ASCC3: variants seen among roughly 807,000 people sequenced by gnomAD.
ASCC3 encodes activating signal cointegrator 1 complex subunit 3.
A neutral mutation model predicts 256.3 loss-of-function variants in ASCC3; 158 were observed. That is an observed-to-expected ratio of 0.62 (90% confidence interval 0.54 to 0.70). The LOEUF is 0.70. Among genes scored for constraint, ASCC3 ranks in the 30% least tolerant of loss-of-function variants. The pLI is 0.00. For synonymous variants in ASCC3, 948 were observed against 883.4 expected, an observed-to-expected ratio of 1.07 and a Z score of -1.30; for missense variants, 2,259 against 2,626.0, an observed-to-expected ratio of 0.86 and a Z score of 3.05.
chr6:100,608,225 T>TTATATATATACTTTATA lies in ASCC3; in HGVS notation c.4786-1138_4786-1137insTATAAAGTATATATATA, dbSNP rs1161942832. On this transcript the variant is annotated intron_variant, in intron 30 of 41. Transcript: ENST00000369162. The stretch of plus-strand genomic sequence containing the variant: ...TATATATATACTTTATATATATACT[T>TTATATATATACTTTATA]TATATACTTTATACTTTATATATAT... Among the ~76,000 whole-genome samples, 126 of 24,120 alleles carry TTATATATATACTTTATA rather than the reference T, an allele frequency of 5.2e-3. 5 individuals are homozygous for TTATATATATACTTTATA. Among genetic ancestry groups the TTATATATATACTTTATA allele is most frequent in the African/African-American group, 0.024 (120 of 5,032 alleles). 15.8% of individuals were successfully genotyped at this position (24,120 alleles called of 152,430 possible).
At position 100,650,694 on chromosome 6, in the gene ASCC3, C is replaced by A. The variant is rs1775621829; in HGVS notation, c.3096G>T (p.Glu1032Asp). ...AATTGCTTAATAAGGTATCTAACTC[C>A]TCTATTTCCTCTTCTCTGACCTAGA... ...DQIKVREEEI[E>D]ELDTLLSNFC... is the part of the protein sequence containing the mutation. Residue 1032 changes from glutamate to aspartate, a missense_variant, in exon 20 of 42, where the codon GAG becomes GAT. Around this residue, in one of 2 missense-constraint regions of ASCC3, gnomAD observed 1,839 missense variants for 2,206.7 expected, o/e 0.83. Transcript: ENST00000369162. 1 of 1,610,698 alleles carries A rather than the reference C, an allele frequency of 6.2e-7. No individual in the cohort carries two copies. Among genetic ancestry groups the A allele is most frequent in the Non-Finnish European group, 8.5e-7 (1 of 1,177,600 alleles).
chr6:100,661,362 A>C (rs908257767), intron 16 of ASCC3, among the ~76,000 whole-genome samples: 1 of 83,462 alleles, frequency 1.2e-5, no homozygotes, highest in Non-Finnish European at 3.1e-5. Flanking sequence ...CACACACAAA[A>C]CAAATGATCA....
intron 8 of ASCC3, among the ~76,000 whole-genome samples, chr6:100,793,095 A>G (rs1769431570): frequency 6.6e-6 from 1 of 151,990 alleles, no homozygotes; most frequent in Non-Finnish European, 1.5e-5. Flanking sequence ...CACCATAGCA[A>G]AACATCTTAA....
At position 100,672,592 on chromosome 6, in the gene ASCC3, A is replaced by G. The variant is rs530920299; in HGVS notation, c.2286+7026T>C. Among the ~76,000 whole-genome samples, 5 of 152,240 alleles carry G rather than the reference A, an allele frequency of 3.3e-5. No homozygotes were observed. In the South Asian group the frequency reaches 1.0e-3, roughly 32 times the overall value. On this transcript the variant is annotated intron_variant, in intron 14 of 41. Transcript: ENST00000369162. ...CTATACATTCAAAATTTGGTTTTCT[A>G]GTGTGTTCACAAATGTTGGAAGGCA...
At chr6:100,697,359 A>G (rs1405809550) in intron 13 of ASCC3, among the ~76,000 whole-genome samples, 3 of 152,078 alleles carry the variant, frequency 2.0e-5, no homozygotes, top group African/African-American at 7.2e-5. Context: ...GATTTAAAGA[A>G]TGAAGAAATG....
At chr6:100,724,457 T>C (rs1779526538) in intron 11 of ASCC3, among the ~76,000 whole-genome samples, 1 of 151,772 alleles carries the variant, frequency 6.6e-6, no homozygotes, top group Admixed American at 6.6e-5. Flanking sequence ...AGGAAATTTT[T>C]TGGTAAAGAC....
intron 36 of ASCC3, among the ~76,000 whole-genome samples, chr6:100,564,886 T>A (rs770452660): frequency 3.3e-5 from 5 of 152,138 alleles, no homozygotes; most frequent in Non-Finnish European, 4.4e-5. Context: ...GCAGTACCTG[T>A]ATAAAAGAAT....
At chr6:100,733,283 C>A (rs1006759079) in intron 10 of ASCC3, among the ~76,000 whole-genome samples, 3 of 152,148 alleles carry the variant, frequency 2.0e-5, no homozygotes. Context: ...CACTCAGTGA[C>A]CATCTTGTTC....
chr6:100,772,266 T>C (rs186913640), intron 8 of ASCC3, among the ~76,000 whole-genome samples: 51 of 152,246 alleles, frequency 3.3e-4, no homozygotes, highest in Non-Finnish European at 5.1e-4. Flanking sequence ...AGCAAGTTTT[T>C]AAAAGTTAAA....
chr6:100,858,888 G>A (rs1582974409), intron 3 of ASCC3: 1 of 509,384 alleles, frequency 2.0e-6, no homozygotes, highest in East Asian at 3.5e-5. Context: ...AGTCAATCAA[G>A]GATCATACAT....
intron 13 of ASCC3, among the ~76,000 whole-genome samples, chr6:100,704,820 T>G (rs1778508450): frequency 6.6e-6 from 1 of 152,070 alleles, no homozygotes; most frequent in Admixed American, 6.6e-5. Flanking sequence ...GCAAAGAATT[T>G]AACTTTTTTG....
chr6:100,646,762 A>G lies in ASCC3; in HGVS notation c.3486T>C (p.Ile1162=). 1 of 1,613,826 alleles carries G rather than the reference A, an allele frequency of 6.2e-7. No individual in the cohort carries two copies. The highest frequency in any genetic ancestry group is 8.5e-7 in the Non-Finnish European group (1 of 1,179,800). ...KDMRKDEIGH[I]LHHVNIGLKV... ...TCAGTCCAATATTCACATGATGTAA[A>G]ATGTGACCTGCAAGAAAAATATCAC... The change falls in exon 22 of 42, where the codon ATT becomes ATC. Residue 1162 remains isoleucine (I), a synonymous_variant. Coordinates refer to ENST00000369162, the MANE Select transcript of ASCC3 (RefSeq NM_006828.4).
rs1771883332 is a variant in ASCC3, at chr6:100,589,617, A to G, written c.5550+17T>C. ...CCTAAATTAAAAGAGAAGATATGAA[A>G]TATATGAAAAACTCACACTTAGAAT... is the stretch of plus-strand genomic sequence containing the variant. On this transcript the variant is annotated intron_variant, in intron 36 of 41. Coordinates refer to ENST00000369162, the MANE Select transcript of ASCC3 (RefSeq NM_006828.4). 3.7e-6 allele frequency: 6 copies of G among 1,612,796 alleles called. No individual in the cohort carries two copies. Among genetic ancestry groups the G allele is most frequent in the Non-Finnish European group, 5.1e-6 (6 of 1,179,516 alleles).
intron 10 of ASCC3, among the ~76,000 whole-genome samples, chr6:100,757,690 C>T (rs1247692845): frequency 6.6e-6 from 1 of 151,852 alleles, no homozygotes; most frequent in African/African-American, 2.4e-5. Flanking sequence ...ACCTAATAAC[C>T]CTAGACAAAA....
At chr6:100,712,325 G>A (rs1281038875) in intron 13 of ASCC3, among the ~76,000 whole-genome samples, 1 of 152,056 alleles carries the variant, frequency 6.6e-6, no homozygotes, top group Non-Finnish European at 1.5e-5. Flanking sequence ...AAGAGAATGA[G>A]AAGACAAGTA....
At chr6:100,668,118 T>A (rs1776573409) in intron 14 of ASCC3, among the ~76,000 whole-genome samples, 1 of 152,052 alleles carries the variant, frequency 6.6e-6, no homozygotes, top group African/African-American at 2.4e-5. Flanking sequence ...CTAAGGCTGC[T>A]TGAGCTACAA....
chr6:100,793,381 T>C lies in ASCC3; in HGVS notation c.1395+5332A>G, dbSNP rs1399783846. On this transcript the variant is annotated intron_variant, in intron 8 of 41. Coordinates refer to ENST00000369162, the MANE Select transcript of ASCC3 (RefSeq NM_006828.4). ...ATGAAATGTCACTAAAACCTGGTCA[T>C]GCCCCAAATTAAAAAGCCTTTTTCT... 3.3e-5 allele frequency among the ~76,000 whole-genome samples: 5 copies of C among 151,974 alleles called. No individual in the cohort carries two copies. In the East Asian group the frequency reaches 9.6e-4, roughly 29 times the overall value.
At chr6:100,620,882 T>G (rs77943001) in intron 30 of ASCC3, among the ~76,000 whole-genome samples, 4,614 of 152,300 alleles carry the variant, frequency 0.03, 77 homozygotes, top group African/African-American at 0.055. Flanking sequence ...TATTTAGGGC[T>G]AATTATTTAA....
At chr6:100,705,744 C>A (rs538656016) in intron 13 of ASCC3, among the ~76,000 whole-genome samples, 3 of 151,906 alleles carry the variant, frequency 2.0e-5, no homozygotes, top group Non-Finnish European at 4.4e-5. Context: ...ATATTTCTTA[C>A]TGCTGTACAC....
Sources: gnomAD v4.1 joint callset for allele counts (sites outside exome capture counted in the v4.1 genomes callset) on GRCh38, gnomAD v4.1.1 for gene constraint, gnomAD v4.1.1 regional missense constraint, MANE v1.5 for transcripts, NCBI Gene and HGNC (gene_info 2026-07-23, HGNC 2026-07-21) for gene names.